ECM2: variants seen among roughly 807,000 people sequenced by gnomAD.
The protein encoded by ECM2 is extracellular matrix protein 2.
In ECM2, 57 loss-of-function variants were observed where a neutral mutation model predicts 67.5. The observed-to-expected ratio is 0.84, with a 90% CI of 0.68 to 1.05. The LOEUF is 1.05. ECM2 is among the 50% of genes least tolerant of loss of function. The probability of loss-of-function intolerance (pLI) is 0.00; values close to 1 mark genes in which losing one functional copy is unlikely to be tolerated. For synonymous variants in ECM2, 258 were observed against 294.5 expected (o/e 0.88, Z 1.27); for missense variants, 741 against 822.8 (o/e 0.90, Z 1.22).
At chr9:92,547,053 C>T in the ECM2 span, among the ~76,000 whole-genome samples, 2 of 152,044 alleles carry the variant, frequency 1.3e-5, no homozygotes, top group Non-Finnish European at 2.9e-5. Flanking sequence ...CAGACCAAAT[C>T]CAACAATATA....
intron 7 of ECM2, among the ~76,000 whole-genome samples, chr9:92,503,445 A>G (rs1277420180): frequency 6.6e-6 from 1 of 152,202 alleles, no homozygotes; most frequent in African/African-American, 2.4e-5. Context: ...GTGGTCTATA[A>G]TATTTTAGGC....
At chr9:92,519,735 T>C (rs1373906560) in intron 2 of ECM2, among the ~76,000 whole-genome samples, 1 of 152,186 alleles carries the variant, frequency 6.6e-6, no homozygotes, top group African/African-American at 2.4e-5. Flanking sequence ...CTTAGAAAAA[T>C]CCATAGGGGA....
intron 9 of ECM2, 36 bp downstream of exon 9, chr9:92,500,691 A>G (rs752381563): frequency 1.3e-6 from 2 of 1,576,078 alleles, no homozygotes; most frequent in East Asian, 2.2e-5. Flanking sequence ...TTGCCAACCA[A>G]AATTTAAACA....
Position 92,535,924 on chromosome 9 carries a change from CT to C in ECM2, c.-28+8del. The C allele has an allele frequency of 8.5e-6, 4 of 468,468 alleles. No individual in the cohort carries two copies. The highest frequency in any genetic ancestry group is 4.8e-5 in the South Asian group (3 of 61,896). The allele number at this position is 468,468 out of a possible 1,614,324, so 29.0% of individuals were successfully genotyped here. A position where few individuals can be genotyped will look rare whatever the true frequency, so the allele number is the denominator to read the frequency against. On this transcript the variant is annotated splice_region_variant and intron_variant, in intron 1 of 9. Transcript: ENST00000344604. ...CTAAGTAGAAACTTAAAATTTAAAACTTTTTTACCTGGAGATCTAAACTAAG... is the reference window on the plus strand; with the variant it reads ...CTAAGTAGAAACTTAAAATTTAAAACTTTTTACCTGGAGATCTAAACTAAG...
chr9:92,551,537 C>T, the ECM2 span, among the ~76,000 whole-genome samples: 2 of 151,828 alleles, frequency 1.3e-5, no homozygotes, highest in Non-Finnish European at 2.9e-5. Flanking sequence ...TTTTATTTTT[C>T]CATAAGTTAT....
chr9:92,555,351 C>T, the ECM2 span, among the ~76,000 whole-genome samples: 23 of 150,538 alleles, frequency 1.5e-4, no homozygotes, highest in East Asian at 2.0e-3. Context: ...CTCAACCTCC[C>T]GAGTAGCTGG....
At chr9:92,516,298 T>C (rs1268579370) in intron 3 of ECM2, among the ~76,000 whole-genome samples, 1 of 151,946 alleles carries the variant, frequency 6.6e-6, no homozygotes, top group Admixed American at 6.6e-5. Flanking sequence ...CACCTGACCT[T>C]GTGATCCTCC....
intron 1 of ECM2, among the ~76,000 whole-genome samples, chr9:92,527,405 A>C (rs1326644200): frequency 6.6e-6 from 1 of 152,166 alleles, no homozygotes; most frequent in East Asian, 1.9e-4. Flanking sequence ...CCTAGGAGCA[A>C]TAGGCTCTAC....
intron 9 of ECM2, among the ~76,000 whole-genome samples, chr9:92,498,211 GC>G (rs1846468527): frequency 6.6e-6 from 1 of 152,058 alleles, no homozygotes; most frequent in Non-Finnish European, 1.5e-5. Flanking sequence ...ATGTATGTAG[GC>G]TTTTGTTTGC....
At chr9:92,516,198 G>A (rs1847708314) in intron 3 of ECM2, among the ~76,000 whole-genome samples, 1 of 151,834 alleles carries the variant, frequency 6.6e-6, no homozygotes, top group African/African-American at 2.4e-5. Context: ...CAAGTAGCTG[G>A]GATTACAGGC....
chr9:92,517,349 T>C, intron 3 of ECM2: 1 of 459,880 alleles, frequency 2.2e-6, no homozygotes, highest in South Asian at 2.6e-5. Flanking sequence ...ATAATGCACA[T>C]ATAGACCAAA....
the ECM2 span, among the ~76,000 whole-genome samples, chr9:92,552,868 T>C: frequency 1.3e-5 from 2 of 152,204 alleles, no homozygotes; most frequent in Admixed American, 6.5e-5. Context: ...ATCTTTGTTT[T>C]TATTGCATTT....
intron 4 of ECM2, among the ~76,000 whole-genome samples, chr9:92,513,292 G>A (rs331371): frequency 1 from 152,305 of 152,306 alleles, 76,152 homozygotes; most frequent in Middle Eastern, 1. Context: ...AAGGAAGGGA[G>A]AAAACAACTG....
chr9:92,509,384 A>T (rs543049449), intron 6 of ECM2, among the ~76,000 whole-genome samples: 2 of 152,308 alleles, frequency 1.3e-5, no homozygotes, highest in Non-Finnish European at 1.5e-5. Flanking sequence ...TCCATGCATA[A>T]TTCCCATGTG....
chr9:92,545,336 G>C, the ECM2 span, among the ~76,000 whole-genome samples: 1 of 152,212 alleles, frequency 6.6e-6, no homozygotes, highest in African/African-American at 2.4e-5. Context: ...GTTCTGGGTG[G>C]GCGTGGGCTT....
chr9:92,500,126 T>C lies in ECM2; in HGVS notation c.1931+601A>G, dbSNP rs547276326. Among the ~76,000 whole-genome samples the C allele has an allele frequency of 9.8e-5, 15 of 152,350 alleles. No individual in the cohort carries two copies. In the South Asian group the frequency reaches 3.1e-3, roughly 32 times the overall value. ...GAGGTAGGAGTAGTAACATAATCTA[T>C]TGCTTTGAAGACTCATTTGAACCTC... On this transcript the variant is annotated intron_variant, in intron 9 of 9. Transcript: ENST00000344604.
intron 1 of ECM2, among the ~76,000 whole-genome samples, chr9:92,532,169 C>A (rs960331635): frequency 1.3e-5 from 2 of 151,246 alleles, no homozygotes; most frequent in African/African-American, 4.9e-5. Flanking sequence ...CTCGAAGATA[C>A]AATTTCTATG....
At chr9:92,516,956 C>A (rs371264781) in intron 3 of ECM2, 2 of 152,236 alleles carry the variant, frequency 1.3e-5, no homozygotes, top group East Asian at 3.8e-4. Context: ...CCTTCCCAGC[C>A]AATTATTTAA....
intron 1 of ECM2, among the ~76,000 whole-genome samples, chr9:92,533,248 C>T (rs1352768819): frequency 7.6e-6 from 1 of 131,512 alleles, no homozygotes; most frequent in East Asian, 2.3e-4. Context: ...TGCAGTGAGC[C>T]GAGATCACAC....
Sources: gnomAD v4.1 joint callset for allele counts (sites outside exome capture counted in the v4.1 genomes callset) on GRCh38, gnomAD v4.1.1 for gene constraint, MANE v1.5 for transcripts, NCBI Gene and HGNC (gene_info 2026-07-23, HGNC 2026-07-21) for gene names.